Variants in SLC25A24 observed in about 807,000 individuals in gnomAD.
SLC25A24 encodes mitochondrial adenyl nucleotide antiporter SLC25A24.
In SLC25A24, 49 loss-of-function variants were observed where a neutral mutation model predicts 60.7. That is an observed-to-expected ratio of 0.81 (90% CI 0.64 to 1.02). SLC25A24 has a LOEUF of 1.02. SLC25A24 is among the 50% of genes least tolerant of loss of function. SLC25A24 has a pLI of 0.00. For missense variants in SLC25A24, 564 were observed against 586.3 expected (o/e 0.96, Z 0.39); for synonymous variants, 202 against 200.6 (o/e 1.01, Z -0.06).
rs964809069 is a variant in SLC25A24, at chr1:108,165,616, C to T, written c.399-4323G>A. Among the ~76,000 whole-genome samples the T allele has an allele frequency of 3.3e-5, 5 of 151,908 alleles. No individual in the cohort carries two copies. In the South Asian group the frequency reaches 6.3e-4, roughly 19 times the overall value. On this transcript the variant is annotated intron_variant, in intron 3 of 9. Transcript: ENST00000565488. ...TTTTATCAGAGACTAGGATTGCAAC[C>T]CCTGTCTTTTTTTGTTTTCCATTTG...
intron 4 of SLC25A24, among the ~76,000 whole-genome samples, chr1:108,160,333 G>T (rs1379964746): frequency 6.6e-6 from 1 of 151,394 alleles, no homozygotes; most frequent in Non-Finnish European, 1.5e-5. Context: ...GCCGGGAAGA[G>T]GCGCTCCTCA....
intron 3 of SLC25A24, among the ~76,000 whole-genome samples, chr1:108,165,158 T>C (rs368897673): frequency 6.6e-5 from 10 of 151,700 alleles, no homozygotes; most frequent in African/African-American, 1.5e-4. Context: ...GTCTGAGAGA[T>C]AGTTTGCTAT....
At chr1:108,138,611 C>A in intron 9 of SLC25A24, among the ~76,000 whole-genome samples, 1 of 152,038 alleles carries the variant, frequency 6.6e-6, no homozygotes, top group Non-Finnish European at 1.5e-5. Context: ...AAAAATGATT[C>A]CAACCACCAT....
Position 108,200,177 on chromosome 1 carries a change from G to A in SLC25A24, c.-39C>T, listed in dbSNP as rs888015934. On this transcript the variant is annotated 5_prime_UTR_variant, in exon 1 of 10. Coordinates refer to ENST00000565488, the MANE Select transcript of SLC25A24 (RefSeq NM_013386.5). ...CAGGCGGCCTGGCCGAGGAAGTCACGGGAGATCGAGGGCTGCGGGGCGAGA... is the reference window on the plus strand; with the variant it reads ...CAGGCGGCCTGGCCGAGGAAGTCACAGGAGATCGAGGGCTGCGGGGCGAGA... The A allele has an allele frequency of 3.3e-6, 5 of 1,513,184 alleles. No individual in the cohort carries two copies. Among genetic ancestry groups the A allele is most frequent in the East Asian group, 2.5e-5 (1 of 39,336 alleles). The allele number at this position is 1,513,184 out of a possible 1,614,324, so 93.7% of individuals were successfully genotyped here. A position where few individuals can be genotyped will look rare whatever the true frequency, so the allele number is the denominator to read the frequency against.
intron 1 of SLC25A24, chr1:108,198,990 T>C (rs930513899): frequency 1.3e-5 from 2 of 152,272 alleles, no homozygotes; most frequent in Middle Eastern, 3.4e-3. Context: ...AAAGGATAGA[T>C]ATGAGGAATG....
At position 108,194,316 on chromosome 1, in the gene SLC25A24, C is replaced by T. The variant is rs373920851; in HGVS notation, c.183+5640G>A. ...GCTGTTTCACAAGATGTGCTGTGGCCCAATCAAGAATGAATTCTTTCAAAA... is the reference window on the plus strand; with the variant it reads ...GCTGTTTCACAAGATGTGCTGTGGCTCAATCAAGAATGAATTCTTTCAAAA... On this transcript the variant is annotated intron_variant, in intron 1 of 9. Coordinates refer to ENST00000565488, the MANE Select transcript of SLC25A24 (RefSeq NM_013386.5). 2.6e-3 allele frequency among the ~76,000 whole-genome samples: 363 copies of T among 138,044 alleles called. 27 individuals carry two copies. The highest frequency in any genetic ancestry group is 8.8e-3 in the African/African-American group (351 of 39,898). 90.6% of individuals were successfully genotyped at this position (138,044 alleles called of 152,430 possible).
rs1647521967 is a variant in SLC25A24 at position 108,173,151 on chromosome 1, G to GA, written c.398+8789dup. Among the ~76,000 whole-genome samples, 5 of 152,232 alleles carry GA rather than the reference G, an allele frequency of 3.3e-5. No individual in the cohort carries two copies. The South Asian group carries it at 1.0e-3, about 32-fold the overall frequency. ...GTAGGGCAAGGTGGGTGGATTGCTT[G>GA]AGCCCAGGATTTCGATACCAGCCTA... is the stretch of plus-strand genomic sequence containing the variant. On this transcript the variant is annotated intron_variant, in intron 3 of 9. Coordinates refer to ENST00000565488, the MANE Select transcript of SLC25A24 (RefSeq NM_013386.5).
intron 3 of SLC25A24, among the ~76,000 whole-genome samples, chr1:108,165,131 A>G (rs1437468696): frequency 6.7e-6 from 1 of 150,274 alleles, no homozygotes; most frequent in African/African-American, 2.5e-5. Context: ...CCTGAGTTCT[A>G]GTTTGATTGC....
rs570663998 is a variant in SLC25A24 at position 108,138,929 on chromosome 1, A to G, written c.1249+129T>C. 21 of 909,756 alleles carry G rather than the reference A, an allele frequency of 2.3e-5. No individual in the cohort carries two copies. The South Asian group carries it at 5.5e-4, about 24-fold the overall frequency. 56.4% of individuals were successfully genotyped at this position (909,756 alleles called of 1,614,324 possible). The stretch of plus-strand genomic sequence containing the variant: ...TTCTGAAAAGATTCCTTAAGGAGGC[A>G]ATAATGAAAAAAAGGTTGAGAAATA... On this transcript the variant is annotated intron_variant, in intron 9 of 9. Transcript: ENST00000565488.
chr1:108,187,927 GATATAT>G (rs57513025), intron 1 of SLC25A24, among the ~76,000 whole-genome samples: 1 of 95,748 alleles, frequency 1.0e-5, no homozygotes, highest in South Asian at 3.2e-4. Flanking sequence ...AGACATTATA[GATATAT>G]ATATATATAT....
At position 108,164,968 on chromosome 1, in the gene SLC25A24, G is replaced by A. The variant is rs546086253; in HGVS notation, c.399-3675C>T. On this transcript the variant is annotated intron_variant, in intron 3 of 9. Transcript: ENST00000565488. The stretch of plus-strand genomic sequence containing the variant: ...TCCCTCTACACACTGCTTTGAATGC[G>A]TCCCAGAGATTCTGGTATGTTGTGT... Among the ~76,000 whole-genome samples, 186 of 143,336 alleles carry A rather than the reference G, an allele frequency of 1.3e-3. 2 individuals are homozygous for A. The highest frequency in any genetic ancestry group is 6.9e-3 in the Middle Eastern group (2 of 290). The allele number at this position is 143,336 out of a possible 152,430, so 94.0% of individuals were successfully genotyped here.
At chr1:108,178,173 A>C (rs1311809901) in intron 3 of SLC25A24, among the ~76,000 whole-genome samples, 1 of 151,634 alleles carries the variant, frequency 6.6e-6, no homozygotes, top group East Asian at 1.9e-4. Flanking sequence ...AAACAACAAC[A>C]ACAACAACAA....
At chr1:108,173,242 T>A (rs1006172267) in intron 3 of SLC25A24, among the ~76,000 whole-genome samples, 1 of 152,126 alleles carries the variant, frequency 6.6e-6, no homozygotes. Flanking sequence ...ATAATTTCCA[T>A]GTGTCACGGG....
At chr1:108,194,379 G>A (rs1193274665) in intron 1 of SLC25A24, among the ~76,000 whole-genome samples, 1 of 137,332 alleles carries the variant, frequency 7.3e-6, no homozygotes, top group Admixed American at 8.4e-5. Context: ...GTCCTTCCCT[G>A]TGCAACACAG....
At chr1:108,150,663 A>C (rs1208433233) in intron 6 of SLC25A24, among the ~76,000 whole-genome samples, 1 of 152,112 alleles carries the variant, frequency 6.6e-6, no homozygotes, top group African/African-American at 2.4e-5. Context: ...AGCTACTCAC[A>C]TATTTTTTCT....
At chr1:108,160,029 C>T (rs1230169740) in intron 4 of SLC25A24, among the ~76,000 whole-genome samples, 2 of 152,162 alleles carry the variant, frequency 1.3e-5, no homozygotes, top group East Asian at 3.9e-4. Context: ...TCCTCACTTC[C>T]CTGTAGGGGC....
intron 2 of SLC25A24, among the ~76,000 whole-genome samples, chr1:108,182,314 C>A (rs1489480318): frequency 1.3e-5 from 2 of 152,126 alleles, no homozygotes; most frequent in African/African-American, 4.8e-5. Flanking sequence ...AGTGGCCTTA[C>A]CAAGTAATGT....
chr1:108,182,749 C>T (rs1466206378), intron 2 of SLC25A24, among the ~76,000 whole-genome samples: 1 of 152,060 alleles, frequency 6.6e-6, no homozygotes, highest in Non-Finnish European at 1.5e-5. Context: ...AGGAAAATTG[C>T]TTGAAGCTGG....
At chr1:108,181,445 A>G (rs1240160540) in intron 3 of SLC25A24, among the ~76,000 whole-genome samples, 1 of 152,236 alleles carries the variant, frequency 6.6e-6, no homozygotes, top group East Asian at 1.9e-4. Flanking sequence ...TAAATAGTCA[A>G]ACTGATTGCC....
Sources: allele counts gnomAD v4.1 joint callset (sites outside exome capture counted in the v4.1 genomes callset), GRCh38; gene constraint gnomAD v4.1.1; transcripts MANE v1.5; gene names NCBI Gene and HGNC (gene_info 2026-07-23, HGNC 2026-07-21).